The following INPP5A variants were observed in gnomAD, a reference collection of about 807,000 sequenced individuals.
INPP5A encodes inositol polyphosphate-5-phosphatase A, also known as 43 kDa inositol polyphosphate 5-phophatase.
INPP5A carries 14 observed loss-of-function variants against 65.2 expected under a neutral mutation model. The observed-to-expected ratio is 0.21, with a 90% CI of 0.14 to 0.34. The LOEUF (loss-of-function observed/expected upper bound fraction) is 0.34. INPP5A is among the 10% of genes least tolerant of loss of function. The pLI, the probability that INPP5A is intolerant of heterozygous loss-of-function variation, is 1.00. For synonymous variants in INPP5A, 207 were observed against 208.3 expected (o/e 0.99, Z 0.05); for missense variants, 431 against 545.6 (o/e 0.79, Z 2.09).
rs72868934 is a variant in INPP5A, at chr10:132,741,064, C to T, written c.733-8453C>T. On this transcript the variant is annotated intron_variant, in intron 9 of 15. Transcript: ENST00000368594. This position sits in a 1 kb window ranked among gnomAD's most constrained non-coding sequence, Gnocchi z 4.4. ...GCAACATAGGGAGTCCCCGTCTCTA[C>T]AGAAAATAAGAAAGTAAAATTAGCC... 8.0e-3 allele frequency among the ~76,000 whole-genome samples: 1,217 copies of T among 152,226 alleles called. 14 individuals are homozygous for T. Among genetic ancestry groups the T allele is most frequent in the South Asian group, 0.014 (68 of 4,828 alleles).
intron 2 of INPP5A, among the ~76,000 whole-genome samples, chr10:132,632,671 G>A (rs1045718318): frequency 2.6e-5 from 4 of 152,216 alleles, no homozygotes; most frequent in African/African-American, 4.8e-5. Context: ...GGAGCCAGGT[G>A]TGAAATGCAG....
At position 132,697,978 on chromosome 10, in the gene INPP5A, T is replaced by A; in HGVS notation, c.474+59T>A. On this transcript the variant is annotated intron_variant, in intron 6 of 15. Coordinates refer to ENST00000368594, the MANE Select transcript of INPP5A (RefSeq NM_005539.5). The surrounding 1 kb of genome is among the most constrained non-coding windows in gnomAD (Gnocchi z 5.6). ...CTTCTCAGAGTGAGCCAGTCAGAAG[T>A]GACATGGAACACGGAATTTTCGCAT... is the stretch of plus-strand genomic sequence containing the variant. The A allele has an allele frequency of 1.7e-6, 2 of 1,150,086 alleles. No homozygotes were observed. Among genetic ancestry groups the A allele is most frequent in the Non-Finnish European group, 2.6e-6 (2 of 767,644 alleles). 71.2% of individuals were successfully genotyped at this position (1,150,086 alleles called of 1,614,324 possible).
intron 9 of INPP5A, among the ~76,000 whole-genome samples, chr10:132,748,465 C>G (rs1846411961): frequency 1.3e-5 from 2 of 152,222 alleles, no homozygotes; most frequent in African/African-American, 4.8e-5. Flanking sequence ...TTCTGCCAAG[C>G]TCGGAGAGCT....
chr10:132,777,538 CAT>C, intron 12 of INPP5A, 131 bp from the exon 13 acceptor site: 2 of 723,756 alleles, frequency 2.8e-6, no homozygotes, highest in Non-Finnish European at 4.5e-6. Context: ...TAGAAACTTC[CAT>C]GTGTGTATTC....
intron 2 of INPP5A, among the ~76,000 whole-genome samples, chr10:132,633,170 A>G (rs1023999677): frequency 1.1e-4 from 16 of 152,164 alleles, no homozygotes; most frequent in African/African-American, 3.4e-4. Context: ...CTAGCCACCC[A>G]TCAGCTTCAG....
At chr10:132,566,404 C>T (rs771863022) in intron 1 of INPP5A, among the ~76,000 whole-genome samples, 13 of 152,202 alleles carry the variant, frequency 8.5e-5, no homozygotes, top group Admixed American at 3.9e-4. Flanking sequence ...TGCAGGGATA[C>T]GGAGGCCCGA....
At chr10:132,564,665 G>T (rs1322116194) in intron 1 of INPP5A, among the ~76,000 whole-genome samples, 1 of 152,232 alleles carries the variant, frequency 6.6e-6, no homozygotes, top group Non-Finnish European at 1.5e-5. Context: ...AACAGACCTT[G>T]CCAAATGGCA....
intron 1 of INPP5A, among the ~76,000 whole-genome samples, 188 bp from the exon 2 acceptor site, chr10:132,607,727 C>T (rs2071876930): frequency 6.6e-6 from 1 of 152,230 alleles, no homozygotes; most frequent in Admixed American, 6.5e-5. Flanking sequence ...AGAGCGGAGC[C>T]CCCACACAGA....
intron 1 of INPP5A, among the ~76,000 whole-genome samples, chr10:132,553,282 C>T (rs571691473): frequency 1.6e-5 from 2 of 122,218 alleles, no homozygotes; most frequent in African/African-American, 3.3e-5. Context: ...CTTCTCAGAG[C>T]CTTGGTGGAA....
intron 9 of INPP5A, among the ~76,000 whole-genome samples, chr10:132,745,481 C>T (rs1846352336): frequency 6.6e-6 from 1 of 152,224 alleles, no homozygotes; most frequent in Non-Finnish European, 1.5e-5. Context: ...CCCTGGGATC[C>T]CAGCTTTCCC....
In INPP5A at chr10:132,640,289, C is replaced by T. The variant is rs576977395; in HGVS notation, c.118-5579C>T. Among the ~76,000 whole-genome samples, 17 of 152,360 alleles carry T rather than the reference C, an allele frequency of 1.1e-4. No homozygotes were observed. The South Asian group carries it at 3.1e-3, about 28-fold the overall frequency. On this transcript the variant is annotated intron_variant, in intron 2 of 15. Coordinates refer to ENST00000368594, the MANE Select transcript of INPP5A (RefSeq NM_005539.5). ...ACTGCTCAGAGCCTCTGCTCGCTCA[C>T]GTGGGTTGTCACACATGTGTGTGTT...
rs1322036800 is a variant in INPP5A at position 132,573,332 on chromosome 10, T to C, written c.76-34583T>C. Among the ~76,000 whole-genome samples the C allele has an allele frequency of 6.1e-4, 85 of 138,912 alleles. 1 individual carries two copies. Among genetic ancestry groups the C allele is most frequent in the Middle Eastern group, 7.8e-3 (2 of 256 alleles). 91.1% of individuals were successfully genotyped at this position (138,912 alleles called of 152,430 possible). A position where few individuals can be genotyped will look rare whatever the true frequency, so the allele number is the denominator to read the frequency against. On this transcript the variant is annotated intron_variant, in intron 1 of 15. Coordinates refer to ENST00000368594, the MANE Select transcript of INPP5A (RefSeq NM_005539.5). Reference sequence around the variant, plus strand: ...GGTTTTGTTGAGATGTTGGGGTGTGTGTGCTGTGTGAGGTTTTGTTGATGT... The same window carrying C: ...GGTTTTGTTGAGATGTTGGGGTGTGCGTGCTGTGTGAGGTTTTGTTGATGT...
At chr10:132,589,637 A>G (rs1056221890) in intron 1 of INPP5A, among the ~76,000 whole-genome samples, 2 of 152,144 alleles carry the variant, frequency 1.3e-5, no homozygotes. Context: ...GTGTCCCAGA[A>G]CCCCGAGTGC....
chr10:132,673,712 C>T (rs1387819482), intron 4 of INPP5A, among the ~76,000 whole-genome samples: 1 of 152,214 alleles, frequency 6.6e-6, no homozygotes, highest in East Asian at 1.9e-4. Flanking sequence ...TGGTAGTCTT[C>T]ACAGAAGCAT....
At chr10:132,656,938 C>T (rs2072664298) in intron 4 of INPP5A, among the ~76,000 whole-genome samples, 1 of 152,208 alleles carries the variant, frequency 6.6e-6, no homozygotes, top group Admixed American at 6.5e-5. Context: ...ACAGCAGCGA[C>T]AGGGCTGTGT....
At chr10:132,774,501 T>G (rs1052404918) in intron 12 of INPP5A, among the ~76,000 whole-genome samples, 1 of 152,214 alleles carries the variant, frequency 6.6e-6, no homozygotes, top group African/African-American at 2.4e-5. Context: ...CGCCGTTCAC[T>G]TGTGGTTCAG....
At chr10:132,567,652 G>A (rs568534266) in intron 1 of INPP5A, among the ~76,000 whole-genome samples, 23 of 152,166 alleles carry the variant, frequency 1.5e-4, no homozygotes, top group Non-Finnish European at 2.6e-4. Context: ...CCATGTAAAC[G>A]TGTCTGTGGT....
chr10:132,710,406 T>A lies in INPP5A; in HGVS notation c.597T>A (p.Pro199=). ...ATCTGGTCGCCTGGGAAACAAGCCC[T>A]TCCGTGTACTCGGGAATCCGGCACA... ...ASNLVAWETS[P]SVYSGIRHKA... Residue 199 remains proline, a synonymous_variant, in exon 8 of 16, where the codon CCT becomes CCA. Transcript: ENST00000368594. 1.2e-6 allele frequency: 2 copies of A among 1,614,158 alleles called. No individual in the cohort carries two copies. The highest frequency in any genetic ancestry group is 1.7e-6 in the Non-Finnish European group (2 of 1,180,034).
intron 2 of INPP5A, among the ~76,000 whole-genome samples, chr10:132,645,397 T>TAC (rs2072479898): frequency 6.6e-6 from 1 of 152,206 alleles, no homozygotes; most frequent in Non-Finnish European, 1.5e-5. Flanking sequence ...GGCACATGTG[T>TAC]ACACACACAT....
Sources: allele counts gnomAD v4.1 joint callset (sites outside exome capture counted in the v4.1 genomes callset), GRCh38; gene constraint gnomAD v4.1.1; non-coding constraint Gnocchi (gnomAD v3.1); transcripts MANE v1.5; gene names NCBI Gene and HGNC (gene_info 2026-07-23, HGNC 2026-07-21).